Variants in PHC3 observed in about 807,000 individuals in gnomAD.
The protein encoded by PHC3 is polyhomeotic homolog 3, also known as polyhomeotic-like protein 3.
Under a neutral mutation model 107.4 loss-of-function variants are expected in PHC3, and 13 were observed. The ratio of observed to expected loss-of-function variants is 0.12; its 90% CI spans 0.08 to 0.19. The LOEUF (loss-of-function observed/expected upper bound fraction) is 0.19, where lower values mean the gene tolerates loss of function less well. PHC3 is among the 10% of genes least tolerant of loss of function. The probability of loss-of-function intolerance (pLI) is 1.00; values close to 1 mark genes in which losing one functional copy is unlikely to be tolerated. For synonymous variants in PHC3, 456 were observed against 427.4 expected, an observed-to-expected ratio of 1.07 and a Z score of -0.83; for missense variants, 992 against 1,210.9, an observed-to-expected ratio of 0.82 and a Z score of 2.68.
At chr3:170,173,710 G>C (rs1360304616) in intron 2 of PHC3, among the ~76,000 whole-genome samples, 2 of 152,126 alleles carry the variant, frequency 1.3e-5, no homozygotes, top group Non-Finnish European at 2.9e-5. Flanking sequence ...AAGAAAATCA[G>C]TGGGTTACAA....
intron 1 of PHC3, among the ~76,000 whole-genome samples, chr3:170,180,970 C>G (rs1731293009): frequency 6.6e-6 from 1 of 152,214 alleles, no homozygotes; most frequent in African/African-American, 2.4e-5. Flanking sequence ...AAAATACAGC[C>G]AGCAGTTCTG....
intron 4 of PHC3, among the ~76,000 whole-genome samples, chr3:170,150,201 T>C (rs569656462): frequency 2.6e-5 from 4 of 152,236 alleles, no homozygotes; most frequent in African/African-American, 9.6e-5. Flanking sequence ...TCTGAGGAGT[T>C]TGTGAACAAA....
intron 4 of PHC3, chr3:170,169,627 T>C (rs1387108045): frequency 1.3e-5 from 2 of 152,240 alleles, no homozygotes; most frequent in East Asian, 1.9e-4. Flanking sequence ...TGCTGGTTTA[T>C]GACAAGTAAC....
intron 11 of PHC3, among the ~76,000 whole-genome samples, chr3:170,108,588 T>C (rs1377288564): frequency 2.0e-5 from 3 of 152,160 alleles, no homozygotes; most frequent in Non-Finnish European, 4.4e-5. Context: ...AAATTGCCCC[T>C]TCCAATGACC....
At chr3:170,151,664 T>C (rs1438685594) in intron 4 of PHC3, among the ~76,000 whole-genome samples, 4 of 152,304 alleles carry the variant, frequency 2.6e-5, no homozygotes, top group Admixed American at 6.5e-5. Flanking sequence ...CTGCCCAATA[T>C]GTAAGAAGGA....
intron 3 of PHC3, among the ~76,000 whole-genome samples, chr3:170,171,655 G>A (rs1729623674): frequency 6.6e-6 from 1 of 152,144 alleles, no homozygotes; most frequent in Non-Finnish European, 1.5e-5. Context: ...GGGATCCAAA[G>A]ACTAATCTTA....
chr3:170,148,964 G>A, intron 5 of PHC3, 122 bp downstream of exon 5: 30 of 929,960 alleles, frequency 3.2e-5, no homozygotes, highest in Non-Finnish European at 3.8e-5. Context: ...ACGCCCGCAT[G>A]CACACACACA....
chr3:170,133,698 C>T (rs918264359), intron 7 of PHC3, among the ~76,000 whole-genome samples: 1 of 152,116 alleles, frequency 6.6e-6, no homozygotes, highest in Non-Finnish European at 1.5e-5. Flanking sequence ...TGACCTGAGA[C>T]TCTGGTGGTT....
At position 170,117,358 on chromosome 3, in the gene PHC3, C is replaced by T. The variant is rs752597760; in HGVS notation, c.2061G>A (p.Arg687=). 1 of 1,613,692 alleles carries T rather than the reference C, an allele frequency of 6.2e-7. No individual in the cohort carries two copies. The highest frequency in any genetic ancestry group is 1.7e-5 in the Admixed American group (1 of 59,982). ...TACTGTGCATAGATGTACTGTTACT[C>T]CTTGTGGTGGCAGCTGGAAGTAACA... The part of the protein sequence containing the change: ...PPLLLPAATT[R]SNSTSMHSSI... The change falls in exon 10 of 15, where the codon AGG becomes AGA. Residue 687 remains arginine, a synonymous_variant. Coordinates refer to ENST00000495893, the MANE Select transcript of PHC3 (RefSeq NM_024947.4).
At chr3:170,149,310 C>G in intron 4 of PHC3, 66 bp from the exon 5 acceptor site, 3 of 1,487,416 alleles carry the variant, frequency 2.0e-6, no homozygotes, top group Non-Finnish European at 1.8e-6. Flanking sequence ...GAATTTCACA[C>G]CGAGCTGCAG....
At chr3:170,173,319 G>C (rs1729920101) in intron 2 of PHC3, among the ~76,000 whole-genome samples, 1 of 152,086 alleles carries the variant, frequency 6.6e-6, no homozygotes, top group South Asian at 2.1e-4. Flanking sequence ...ACAAGATACT[G>C]TTTTCCAACT....
chr3:170,107,911 C>T (rs1465362224), intron 11 of PHC3, among the ~76,000 whole-genome samples: 1 of 152,102 alleles, frequency 6.6e-6, no homozygotes, highest in Non-Finnish European at 1.5e-5. Context: ...ACAATTTTCT[C>T]ATCTGTAAAA....
rs1714517492 is a variant in PHC3, at chr3:170,095,349, T to C, written c.*1881A>G. The C allele has an allele frequency of 6.6e-6, 1 of 152,130 alleles. No individual in the cohort carries two copies. The allele number at this position is 152,130 out of a possible 1,614,324, so 9.4% of individuals were successfully genotyped here. A position where few individuals can be genotyped will look rare whatever the true frequency, so the allele number is the denominator to read the frequency against. ...ATATTACATATTCTAATCCTACATGTAACTATCAGTAAACATCTTTTTTTA... is the reference window on the plus strand; with the variant it reads ...ATATTACATATTCTAATCCTACATGCAACTATCAGTAAACATCTTTTTTTA... On this transcript the variant is annotated 3_prime_UTR_variant, in exon 15 of 15. Coordinates refer to ENST00000495893, the MANE Select transcript of PHC3 (RefSeq NM_024947.4).
chr3:170,165,753 CAAAAAAAAAA>C (rs1201987701), intron 4 of PHC3, among the ~76,000 whole-genome samples: 3 of 41,074 alleles, frequency 7.3e-5, no homozygotes, highest in Non-Finnish European at 9.2e-5. Context: ...GACCTTGTCT[CAAAAAAAAAA>C]AAAAAAAAAA....
At chr3:170,102,227 A>T in intron 14 of PHC3, 1 of 985,428 alleles carries the variant, frequency 1.0e-6, no homozygotes, top group Non-Finnish European at 1.2e-6. Flanking sequence ...TAATATCTTC[A>T]CCGGCTGAGG....
intron 10 of PHC3, 102 bp downstream of exon 10, chr3:170,117,124 G>A: frequency 7.1e-7 from 1 of 1,416,360 alleles, no homozygotes; most frequent in Non-Finnish European, 9.7e-7. Flanking sequence ...CAACTTTCTT[G>A]AAATAAAATT....
intron 7 of PHC3, among the ~76,000 whole-genome samples, chr3:170,135,686 AAGGT>A (rs1722961995): frequency 6.6e-6 from 1 of 152,152 alleles, no homozygotes; most frequent in South Asian, 2.1e-4. Context: ...TAAAAAAAAA[AAGGT>A]AGGATCAACA....
At position 170,129,012 on chromosome 3, in the gene PHC3, AC is replaced by A; in HGVS notation, c.1459del (p.Val487TyrfsTer96). On this transcript the variant is annotated frameshift_variant, in exon 8 of 15. Transcript: ENST00000495893. LOFTEE classifies it high-confidence loss of function. ...HIGPVQQSAL[V>X]SPGQQIVSPS... ...AGAGACAATCTGCTGGCCTGGGGAT[AC>A]CAAGGCAGACTGCTGAACTGGGCCA... The A allele has an allele frequency of 6.2e-7, 1 of 1,613,476 alleles. No individual in the cohort carries two copies. The highest frequency in any genetic ancestry group is 8.5e-7 in the Non-Finnish European group (1 of 1,179,578).
chr3:170,179,641 G>T (rs1731066729), intron 1 of PHC3, among the ~76,000 whole-genome samples: 1 of 152,096 alleles, frequency 6.6e-6, no homozygotes, highest in South Asian at 2.1e-4. Context: ...TCCAGATTTT[G>T]AAAACATAAA....
Sources: allele counts gnomAD v4.1 joint callset (sites outside exome capture counted in the v4.1 genomes callset), GRCh38; gene constraint gnomAD v4.1.1; transcripts MANE v1.5; gene names NCBI Gene and HGNC (gene_info 2026-07-23, HGNC 2026-07-21).